The following ZGRF1 variants were observed in gnomAD, a reference collection of about 807,000 sequenced individuals.
The protein encoded by ZGRF1 is zinc finger GRF-type containing 1.
A neutral mutation model predicts 203.5 loss-of-function variants in ZGRF1; 196 were observed. The ratio of observed to expected loss-of-function variants is 0.96; its 90% confidence interval spans 0.86 to 1.08. ZGRF1 has a LOEUF of 1.08. ZGRF1 is among the 50% of genes least tolerant of loss of function. The pLI is 0.00. For synonymous variants in ZGRF1, 809 were observed against 841.3 expected (o/e 0.96, Z 0.66); for missense variants, 2,326 against 2,416.3 (o/e 0.96, Z 0.78).
intron 7 of ZGRF1, among the ~76,000 whole-genome samples, chr4:112,609,641 A>G (rs2149119909): frequency 6.6e-6 from 1 of 151,830 alleles, no homozygotes; most frequent in Middle Eastern, 3.4e-3. Context: ...CCCTGTCTCT[A>G]CTAAAAAATA....
intron 11 of ZGRF1, 144 bp from the exon 12 acceptor site, chr4:112,588,073 A>T (rs376247245): frequency 4.0e-6 from 2 of 503,528 alleles, no homozygotes; most frequent in Non-Finnish European, 6.8e-6. Flanking sequence ...TTAAAAAAAA[A>T]TTAATGGTTT....
chr4:112,543,676 C>CACAAGAAAGGT (rs1738154764), intron 24 of ZGRF1, among the ~76,000 whole-genome samples: 1 of 152,078 alleles, frequency 6.6e-6, no homozygotes, highest in East Asian at 1.9e-4. Flanking sequence ...CATAAAATAT[C>CACAAGAAAGGT]ACAAGAAAGG....
rs746118376 is a variant in ZGRF1 at position 112,584,171 on chromosome 4, G to A, written c.4105C>T (p.Arg1369Cys). ...MVKKEGPNKG[R>C]LFYTCDGPKA... ...GGTCCATCACATGTATAAAAGAGACGACCCTAAGGGGAAAGAAAAAAGATC... is the reference window on the plus strand; with the variant it reads ...GGTCCATCACATGTATAAAAGAGACAACCCTAAGGGGAAAGAAAAAAGATC... The change falls in exon 15 of 28, where the codon CGT (arginine) becomes TGT (cysteine). Residue 1369 changes from arginine to cysteine, a missense_variant. Coordinates refer to ENST00000505019, the MANE Select transcript of ZGRF1 (RefSeq NM_018392.5). The A allele has an allele frequency of 8.4e-5, 131 of 1,558,514 alleles. No individual in the cohort carries two copies. Among genetic ancestry groups the A allele is most frequent in the East Asian group, 5.4e-4 (24 of 44,350 alleles).
chr4:112,599,172 G>A (rs1159843849), intron 10 of ZGRF1, among the ~76,000 whole-genome samples: 1 of 152,084 alleles, frequency 6.6e-6, no homozygotes, highest in Non-Finnish European at 1.5e-5. Flanking sequence ...AATATATAGA[G>A]AACCTCTATA....
chr4:112,607,475 G>A (rs960006719), intron 8 of ZGRF1, among the ~76,000 whole-genome samples: 5 of 152,148 alleles, frequency 3.3e-5, no homozygotes, highest in South Asian at 2.1e-4. Flanking sequence ...AAATTAATTC[G>A]CATACTACCT....
At chr4:112,539,781 C>G in intron 27 of ZGRF1, 82 bp downstream of exon 27, 1 of 1,566,702 alleles carries the variant, frequency 6.4e-7, no homozygotes, top group East Asian at 2.2e-5. Flanking sequence ...CAGAGCTGTT[C>G]CTGCTTGAAG....
intron 18 of ZGRF1, chr4:112,561,269 G>C (rs1741924324): frequency 2.7e-6 from 1 of 375,436 alleles, no homozygotes; most frequent in Admixed American, 4.2e-5. Flanking sequence ...ACAACACTAG[G>C]AAATAGTTAG....
intron 14 of ZGRF1, among the ~76,000 whole-genome samples, chr4:112,585,091 T>C (rs1246576595): frequency 6.6e-6 from 1 of 152,168 alleles, no homozygotes; most frequent in Non-Finnish European, 1.5e-5. Flanking sequence ...ATTCCTCCTA[T>C]TTTATCAATT....
At chr4:112,635,428 T>C (rs1239898851) in intron 1 of ZGRF1, among the ~76,000 whole-genome samples, 1 of 152,020 alleles carries the variant, frequency 6.6e-6, no homozygotes, top group African/African-American at 2.4e-5. Flanking sequence ...TTTTAACTTT[T>C]CTTTTTCTTT....
chr4:112,584,050 T>C lies in ZGRF1; in HGVS notation c.4226A>G (p.Asp1409Gly), dbSNP rs1044586959. Residue 1409 changes from aspartate to glycine, a missense_variant, in exon 15 of 28, where the codon GAT (aspartate) becomes GGT (glycine). Coordinates refer to ENST00000505019, the MANE Select transcript of ZGRF1 (RefSeq NM_018392.5). ...EGARPGMVLS[D>G]IKSIGLYLRS... is the part of the protein sequence containing the mutation. ...TAAATATAAGCCAATACTCTTAATA[T>C]CACTTAAAACCATGCCAGGTCGAGC... 3.7e-6 allele frequency: 6 copies of C among 1,613,430 alleles called. No homozygotes were observed. The highest frequency in any genetic ancestry group is 2.7e-5 in the African/African-American group (2 of 74,890).
intron 4 of ZGRF1, among the ~76,000 whole-genome samples, chr4:112,622,798 A>G (rs2047105467): frequency 6.6e-6 from 1 of 152,118 alleles, no homozygotes; most frequent in South Asian, 2.1e-4. Flanking sequence ...AACACAAACT[A>G]TGTATTTGAC....
chr4:112,602,203 CA>C (rs879651443), intron 10 of ZGRF1, among the ~76,000 whole-genome samples: 91 of 133,814 alleles, frequency 6.8e-4, no homozygotes, highest in South Asian at 4.7e-4. Flanking sequence ...AACTCTGTCT[CA>C]AAAAAAAAAA....
At position 112,620,440 on chromosome 4, in the gene ZGRF1, G is replaced by A. The variant is rs139847397; in HGVS notation, c.163-250C>T. On this transcript the variant is annotated intron_variant, in intron 4 of 27. Transcript: ENST00000505019. ...TCAACAACACATATTAGAGCTAGGC[G>A]TGGTAGCTCACACCCGTAATCGCAA... Among the ~76,000 whole-genome samples the A allele has an allele frequency of 1.3e-3, 192 of 152,270 alleles. 1 individual carries two copies. The highest frequency in any genetic ancestry group is 4.1e-3 in the African/African-American group (169 of 41,562).
chr4:112,566,380 A>G (rs563494258), intron 16 of ZGRF1, among the ~76,000 whole-genome samples: 4,712 of 149,820 alleles, frequency 0.031, 229 homozygotes, highest in African/African-American at 0.11. Flanking sequence ...TAGGAGATAT[A>G]CCTAATGCTA....
At chr4:112,560,237 G>GT (rs1338407820) in intron 19 of ZGRF1, among the ~76,000 whole-genome samples, 2 of 152,170 alleles carry the variant, frequency 1.3e-5, no homozygotes, top group African/African-American at 4.8e-5. Flanking sequence ...GAACCAAGCG[G>GT]TAAGAATAGC....
chr4:112,617,898 A>G lies in ZGRF1; in HGVS notation c.2144T>C (p.Ile715Thr). 6.2e-7 allele frequency: 1 copy of G among 1,613,964 alleles called. No homozygotes were observed. The highest frequency in any genetic ancestry group is 8.5e-7 in the Non-Finnish European group (1 of 1,179,966). ...FSEDAQPQPF[I>T]LGSDLDKNDE... ...ATTTTTGTCTAAGTCACTTCCCAAA[A>G]TAAAAGGCTGAGGTTGAGCATCTTC... The change falls in exon 6 of 28, where the codon ATT becomes ACT. Residue 715 changes from isoleucine to threonine, a missense_variant. Coordinates refer to ENST00000505019, the MANE Select transcript of ZGRF1 (RefSeq NM_018392.5).
chr4:112,541,123 A>G lies in ZGRF1; in HGVS notation c.5744T>C (p.Leu1915Pro). 1 of 1,602,878 alleles carries G rather than the reference A, an allele frequency of 6.2e-7. No individual in the cohort carries two copies. Among genetic ancestry groups the G allele is most frequent in the Non-Finnish European group, 8.5e-7 (1 of 1,174,184 alleles). Residue 1915 changes from leucine to proline, a missense_variant, in exon 25 of 28, where the codon CTG becomes CCG. Transcript: ENST00000505019. ...TAGTCCTTTAACATTATAAAAACAC[A>G]GGGTTGGTAGCCATTCCAATAAAGG... ...RSPLLEWLPT[L>P]CFYNVKGLEQ...
At chr4:112,594,227 G>A (rs1402679972) in intron 10 of ZGRF1, among the ~76,000 whole-genome samples, 1 of 152,056 alleles carries the variant, frequency 6.6e-6, no homozygotes, top group African/African-American at 2.4e-5. Flanking sequence ...CTATACCCAA[G>A]TCTTACAAGT....
intron 27 of ZGRF1, 44 bp downstream of exon 27, chr4:112,539,819 A>C (rs1737187929): frequency 6.2e-7 from 1 of 1,605,266 alleles, no homozygotes; most frequent in Non-Finnish European, 8.5e-7. Context: ...CATAAAAGTC[A>C]GTTTGAACTT....
Sources: gnomAD v4.1 joint callset for allele counts (sites outside exome capture counted in the v4.1 genomes callset) on GRCh38, gnomAD v4.1.1 for gene constraint, MANE v1.5 for transcripts, NCBI Gene and HGNC (gene_info 2026-07-23, HGNC 2026-07-21) for gene names.